Variants in WASF2 observed in about 807,000 individuals in gnomAD.
WASF2 encodes the protein WASP family member 2.
A neutral mutation model predicts 45.0 loss-of-function variants in WASF2; 14 were observed. That is an observed-to-expected ratio of 0.31 (90% CI 0.21 to 0.49). The LOEUF is 0.49. Ranked by LOEUF, WASF2 falls within the 20% of genes least tolerant of loss-of-function variation. WASF2 has a pLI of 0.99. For missense variants in WASF2, 439 were observed against 636.1 expected (o/e 0.69, Z 3.33); for synonymous variants, 200 against 236.3 (o/e 0.85, Z 1.41).
intron 2 of WASF2, among the ~76,000 whole-genome samples, chr1:27,422,555 C>T (rs2016923395): frequency 7.2e-6 from 1 of 138,414 alleles, no homozygotes. Context: ...GGAGGCGGAG[C>T]TTGCAGTGAG....
At chr1:27,475,024 C>T (rs9438575) in intron 1 of WASF2, among the ~76,000 whole-genome samples, 27,236 of 151,950 alleles carry the variant, frequency 0.18, 3,508 homozygotes, top group East Asian at 0.37. Flanking sequence ...TCTGAAAGCC[C>T]ACCACTTTGG....
intron 1 of WASF2, among the ~76,000 whole-genome samples, chr1:27,474,894 G>A (rs1282481447): frequency 1.3e-5 from 2 of 152,160 alleles, no homozygotes; most frequent in East Asian, 1.9e-4. Flanking sequence ...TAAGGCTGCA[G>A]TGAGCCATGA....
At chr1:27,481,175 G>T (rs1000428216) in intron 1 of WASF2, among the ~76,000 whole-genome samples, 1 of 141,776 alleles carries the variant, frequency 7.1e-6, no homozygotes, top group Non-Finnish European at 1.5e-5. Context: ...GTGGTGGCAC[G>T]CGCCTGTAGT....
chr1:27,414,621 A>G lies in WASF2; in HGVS notation c.668+212T>C, dbSNP rs752240281. ...GGGCTTTCTTTTCCAGACCACTCCA[A>G]TCACCTCATTTAAATTGCTGAATCT... is the stretch of plus-strand genomic sequence containing the variant. On this transcript the variant is annotated intron_variant, in intron 6 of 8. Transcript: ENST00000618852. The surrounding 1 kb of genome is among the most constrained non-coding windows in gnomAD (Gnocchi z 4.1). Among the ~76,000 whole-genome samples, 57 of 152,186 alleles carry G rather than the reference A, an allele frequency of 3.7e-4. No homozygotes were observed. The highest frequency in any genetic ancestry group is 7.2e-4 in the Admixed American group (11 of 15,280).
chr1:27,471,163 G>A (rs1293097656), intron 1 of WASF2, among the ~76,000 whole-genome samples: 2 of 151,802 alleles, frequency 1.3e-5, no homozygotes, highest in Non-Finnish European at 1.5e-5. Context: ...GCTAAAAACA[G>A]TGAAACCCCA....
At chr1:27,433,560 A>G (rs1035888341) in intron 1 of WASF2, among the ~76,000 whole-genome samples, 4 of 152,198 alleles carry the variant, frequency 2.6e-5, no homozygotes, top group African/African-American at 9.7e-5. Context: ...CATTCTGCAT[A>G]AGCACAGGAG....
At chr1:27,439,096 C>T (rs2017174432) in intron 1 of WASF2, among the ~76,000 whole-genome samples, 1 of 152,184 alleles carries the variant, frequency 6.6e-6, no homozygotes, top group Non-Finnish European at 1.5e-5. Context: ...AGAGCATGAA[C>T]ATTAAGAGAC....
intron 5 of WASF2, among the ~76,000 whole-genome samples, chr1:27,415,570 G>A (rs376752783): frequency 2.0e-5 from 3 of 149,114 alleles, no homozygotes; most frequent in Admixed American, 6.6e-5. Context: ...CGCCCAGCCC[G>A]TAGCGAAGGC....
chr1:27,448,399 G>A (rs72882790), intron 1 of WASF2, among the ~76,000 whole-genome samples: 91 of 152,264 alleles, frequency 6.0e-4, no homozygotes, highest in African/African-American at 2.2e-3. Flanking sequence ...GAAGAATAAA[G>A]AGAGTTCCAA....
At chr1:27,434,220 A>T (rs2148114859) in intron 1 of WASF2, among the ~76,000 whole-genome samples, 1 of 152,312 alleles carries the variant, frequency 6.6e-6, no homozygotes, top group South Asian at 2.1e-4. Context: ...ACCAGCTATC[A>T]GGCACGTTGG....
At chr1:27,471,313 C>A (rs1255924310) in intron 1 of WASF2, among the ~76,000 whole-genome samples, 1 of 143,692 alleles carries the variant, frequency 7.0e-6, no homozygotes, top group African/African-American at 2.6e-5. Flanking sequence ...CCACTGCACT[C>A]CAGCCTGGGC....
At chr1:27,424,595 C>G (rs1033029506) in intron 2 of WASF2, among the ~76,000 whole-genome samples, 2 of 151,862 alleles carry the variant, frequency 1.3e-5, no homozygotes, top group Non-Finnish European at 2.9e-5. Context: ...GCAGCCTTCA[C>G]CTTCTGGGCT....
intron 1 of WASF2, among the ~76,000 whole-genome samples, chr1:27,451,382 G>A (rs1346966467): frequency 6.6e-6 from 1 of 152,182 alleles, no homozygotes; most frequent in African/African-American, 2.4e-5. Flanking sequence ...AGTAGCATAT[G>A]CAGAGGCAAA....
intron 8 of WASF2, among the ~76,000 whole-genome samples, chr1:27,409,183 G>T (rs1214329463): frequency 6.6e-6 from 1 of 151,880 alleles, no homozygotes; most frequent in African/African-American, 2.4e-5. Context: ...CCAGCACTTT[G>T]GGAGGCCGAG....
At position 27,410,169 on chromosome 1, in the gene WASF2, C is replaced by T; in HGVS notation, c.862G>A (p.Gly288Arg). Residue 288 changes from glycine to arginine, a missense_variant, in exon 8 of 9, where the codon GGA becomes AGA. Gly to Arg is a moderately radical substitution (Grantham distance 125). Around this residue, in one of 5 missense-constraint regions of WASF2, gnomAD observed 286 missense variants for 373.5 expected, o/e 0.77. Transcript: ENST00000618852. This position sits in a 1 kb window ranked among gnomAD's most constrained non-coding sequence, Gnocchi z 4.2. The stretch of plus-strand genomic sequence containing the variant: ...CTGACCACACTGGATCTTTTGGGTC[C>T]AGCCAAACCAGATCCTCTTTGGTTG... ...VDNQRGSGLA[G>R]PKRSSVVSPS... is the part of the protein sequence containing the mutation. 1 of 1,613,920 alleles carries T rather than the reference C, an allele frequency of 6.2e-7. No individual in the cohort carries two copies. Among genetic ancestry groups the T allele is most frequent in the Middle Eastern group, 1.7e-4 (1 of 6,060 alleles).
chr1:27,424,849 A>G (rs1051193268), intron 2 of WASF2, among the ~76,000 whole-genome samples: 10 of 152,158 alleles, frequency 6.6e-5, no homozygotes, highest in African/African-American at 2.4e-4. Context: ...TTGTGATACA[A>G]TGTGATAGGA....
chr1:27,410,334 A>C lies in WASF2; in HGVS notation c.825-128T>G. 2.1e-6 allele frequency: 3 copies of C among 1,462,936 alleles called. No homozygotes were observed. Among genetic ancestry groups the C allele is most frequent in the Non-Finnish European group, 2.7e-6 (3 of 1,104,004 alleles). 90.6% of individuals were successfully genotyped at this position (1,462,936 alleles called of 1,614,324 possible). A position where few individuals can be genotyped will look rare whatever the true frequency, so the allele number is the denominator to read the frequency against. ...ACCATTTCACTTTCACTTAAACAGA[A>C]AGAAAAGCCTACAGATGGTCATAAC... On this transcript the variant is annotated intron_variant, in intron 7 of 8. Transcript: ENST00000618852. The surrounding 1 kb of genome is among the most constrained non-coding windows in gnomAD (Gnocchi z 4.2).
At chr1:27,454,183 ATATATTTTTT>A (rs1557612443) in intron 1 of WASF2, among the ~76,000 whole-genome samples, 49 of 8,458 alleles carry the variant, frequency 5.8e-3, no homozygotes, top group African/African-American at 0.013. Flanking sequence ...ATATATATAT[ATATATTTTTT>A]TTTTTTTTTT....
At chr1:27,482,554 G>T (rs936475456) in intron 1 of WASF2, among the ~76,000 whole-genome samples, 1 of 152,140 alleles carries the variant, frequency 6.6e-6, no homozygotes, top group East Asian at 1.9e-4. Context: ...GGTAGTAATA[G>T]TCCAGTAGTT....
Sources: gnomAD v4.1 joint callset for allele counts (sites outside exome capture counted in the v4.1 genomes callset) on GRCh38, gnomAD v4.1.1 for gene constraint, gnomAD v4.1.1 regional missense constraint, Gnocchi (gnomAD v3.1) non-coding constraint, MANE v1.5 for transcripts, NCBI Gene and HGNC (gene_info 2026-07-23, HGNC 2026-07-21) for gene names.